LRRC43: variants seen among roughly 807,000 people sequenced by gnomAD.
LRRC43 encodes the protein leucine-rich repeat-containing protein 43.
LRRC43 carries 62 observed loss-of-function variants against 64.3 expected under a neutral mutation model. The ratio of observed to expected loss-of-function variants is 0.96; its 90% CI spans 0.79 to 1.19. The LOEUF is 1.19. Among genes scored for constraint, LRRC43 ranks in the 50% most tolerant of loss-of-function variants. The probability of loss-of-function intolerance (pLI) is 0.00; values close to 1 mark genes in which losing one functional copy is unlikely to be tolerated. For missense variants in LRRC43, 868 were observed against 845.0 expected, an observed-to-expected ratio of 1.03 and a Z score of -0.34; for synonymous variants, 422 against 382.3, an observed-to-expected ratio of 1.10 and a Z score of -1.21.
At chr12:122,202,616 T>C (rs1234453826) in intron 11 of LRRC43, among the ~76,000 whole-genome samples, 1 of 152,198 alleles carries the variant, frequency 6.6e-6, no homozygotes, top group Non-Finnish European at 1.5e-5. Context: ...ACTATACATT[T>C]TCCAAAGATC....
chr12:122,191,585 C>T lies in LRRC43; in HGVS notation c.1089+18C>T. On this transcript the variant is annotated intron_variant, in intron 6 of 11. Coordinates refer to ENST00000339777, the MANE Select transcript of LRRC43 (RefSeq NM_001098519.2). ...TGGCCGAGGTGTGCCCTGGTCTGTC[C>T]CTAGGAGTATGGGGGGCTCTTGTGA... 6.2e-7 allele frequency: 1 copy of T among 1,605,968 alleles called. No individual in the cohort carries two copies. The highest frequency in any genetic ancestry group is 8.5e-7 in the Non-Finnish European group (1 of 1,175,296).
intron 11 of LRRC43, among the ~76,000 whole-genome samples, 197 bp from the exon 12 acceptor site, chr12:122,203,118 T>A (rs531224835): frequency 2.0e-5 from 3 of 152,280 alleles, no homozygotes; most frequent in African/African-American, 7.2e-5. Context: ...GTCTTGCAAC[T>A]CAAACAGCTG....
intron 1 of LRRC43, among the ~76,000 whole-genome samples, chr12:122,177,908 G>A (rs1159143754): frequency 6.6e-6 from 1 of 151,560 alleles, no homozygotes; most frequent in Non-Finnish European, 1.5e-5. Context: ...CATGATCTTG[G>A]CTCACTGCAA....
chr12:122,194,636 C>A (rs1953756976), intron 7 of LRRC43, among the ~76,000 whole-genome samples: 1 of 151,016 alleles, frequency 6.6e-6, no homozygotes, highest in Admixed American at 6.6e-5. Context: ...CTCCCTCTTT[C>A]TTCCTTTCTC....
Position 122,192,788 on chromosome 12 carries a change from C to T in LRRC43, c.1133C>T (p.Ser378Phe). Reference protein sequence around the residue: ...SPSLELLVEESPEEVVEDVIE... With the variant: ...SPSLELLVEEFPEEVVEDVIE... ...AGCTTAGAATTATTAGTTGAGGAAT[C>T]TCCTGAAGAGGTCGTGGAAGACGTC... Residue 378 changes from serine (S) to phenylalanine (F), a missense_variant, in exon 7 of 12, where the codon TCT becomes TTT. Transcript: ENST00000339777. 6.2e-7 allele frequency: 1 copy of T among 1,614,172 alleles called. No individual in the cohort carries two copies. The highest frequency in any genetic ancestry group is 8.5e-7 in the Non-Finnish European group (1 of 1,180,016).
At chr12:122,173,409 C>T (rs1448788306) in intron 1 of LRRC43, among the ~76,000 whole-genome samples, 1 of 152,226 alleles carries the variant, frequency 6.6e-6, no homozygotes, top group Non-Finnish European at 1.5e-5. Flanking sequence ...CTTGGCTGGG[C>T]ACAGTGGCTC....
intron 7 of LRRC43, among the ~76,000 whole-genome samples, chr12:122,198,222 A>G (rs2136058503): frequency 6.6e-6 from 1 of 152,282 alleles, no homozygotes; most frequent in African/African-American, 2.4e-5. Flanking sequence ...CCTGACCTTA[A>G]GTGATTCATC....
In LRRC43 at chr12:122,192,912, G is replaced by T; in HGVS notation, c.1257G>T (p.Gly419=). The T allele has an allele frequency of 6.2e-7, 1 of 1,614,164 alleles. No homozygotes were observed. The highest frequency in any genetic ancestry group is 8.5e-7 in the Non-Finnish European group (1 of 1,180,022). The part of the protein sequence containing the change: ...SGESELSVIS[G]PSTILQMPRA... ...AGTCGGAGCTGTCTGTCATCTCGGG[G>T]CCTTCGACCATCTTGCAGATGCCGA... Residue 419 remains glycine (G), a synonymous_variant, in exon 7 of 12, where the codon GGG becomes GGT. Coordinates refer to ENST00000339777, the MANE Select transcript of LRRC43 (RefSeq NM_001098519.2).
At position 122,190,245 on chromosome 12, in the gene LRRC43, C is replaced by A. The variant is rs760533188; in HGVS notation, c.778C>A (p.Leu260Met). 1 of 1,614,220 alleles carries A rather than the reference C, an allele frequency of 6.2e-7. No homozygotes were observed. The highest frequency in any genetic ancestry group is 8.5e-7 in the Non-Finnish European group (1 of 1,180,044). ...ACTCCTGGTGCTGCAGGGAAACCCA[C>A]TGGCCTTGGTGCCCTACTACCGCGG... The part of the protein sequence containing the change: ...LRLLVLQGNP[L>M]ALVPYYRGLT... Residue 260 changes from leucine (L) to methionine (M), a missense_variant, in exon 5 of 12, where the codon CTG becomes ATG. By Grantham distance (15) the Leu-to-Met change is conservative. Transcript: ENST00000339777.
chr12:122,203,313 A>T lies in LRRC43; in HGVS notation c.1844-2A>T. ...CTCATGCTCGCACTTAAATTTTCTC[A>T]GAAAAGCCGAAAGCCGTGATTCCGA... On this transcript the variant is annotated splice_acceptor_variant, in intron 11 of 11. Coordinates refer to ENST00000339777, the MANE Select transcript of LRRC43 (RefSeq NM_001098519.2). LOFTEE classifies it high-confidence loss of function. The T allele has an allele frequency of 6.2e-7, 1 of 1,611,346 alleles. No homozygotes were observed. Among genetic ancestry groups the T allele is most frequent in the Non-Finnish European group, 8.5e-7 (1 of 1,179,760 alleles).
intron 1 of LRRC43, chr12:122,174,038 C>T: frequency 6.2e-7 from 1 of 1,613,208 alleles, no homozygotes; most frequent in South Asian, 1.1e-5. Context: ...CACACCCCTG[C>T]CCACCCTGGC....
chr12:122,186,791 C>T (rs144249871), intron 3 of LRRC43, among the ~76,000 whole-genome samples: 11 of 152,194 alleles, frequency 7.2e-5, no homozygotes, highest in South Asian at 2.1e-4. Context: ...TGGTGGCATG[C>T]GCCTGTAGTC....
At chr12:122,201,732 GAACA>G (rs1378239582) in intron 11 of LRRC43, among the ~76,000 whole-genome samples, 1 of 152,190 alleles carries the variant, frequency 6.6e-6, no homozygotes, top group Non-Finnish European at 1.5e-5. Flanking sequence ...GGTTCAGAAA[GAACA>G]ACCAACTGGG....
intron 11 of LRRC43, among the ~76,000 whole-genome samples, chr12:122,202,898 G>C (rs149647570): frequency 0.01 from 1,539 of 152,090 alleles, 22 homozygotes; most frequent in African/African-American, 0.035. Flanking sequence ...TCGAGACCAG[G>C]CTGGCCAACA....
upstream of LRRC43, among the ~76,000 whole-genome samples, chr12:122,182,185 T>C (rs969292481): frequency 4.0e-5 from 6 of 151,212 alleles, no homozygotes; most frequent in African/African-American, 1.5e-4. Flanking sequence ...CCCAGGAGTT[T>C]GAGACCAACC....
At chr12:122,172,163 G>A (rs1953490912) in intron 1 of LRRC43, 2 of 417,616 alleles carry the variant, frequency 4.8e-6, no homozygotes, top group Non-Finnish European at 8.6e-6. Flanking sequence ...GGTATAATAA[G>A]TAAGACTTAA....
At chr12:122,201,590 C>T (rs1953839481) in intron 11 of LRRC43, among the ~76,000 whole-genome samples, 4 of 152,210 alleles carry the variant, frequency 2.6e-5, no homozygotes, top group Admixed American at 2.0e-4. Flanking sequence ...CTGGGGCTGC[C>T]TGGGGCTCAT....
chr12:122,189,363 C>T (rs771910822), intron 4 of LRRC43: 2 of 453,640 alleles, frequency 4.4e-6, no homozygotes, highest in Non-Finnish European at 8.9e-6. Context: ...AGGGAAGCCC[C>T]CTCTCTGACC....
intron 7 of LRRC43, among the ~76,000 whole-genome samples, chr12:122,199,573 T>C (rs1354258495): frequency 6.6e-6 from 1 of 151,638 alleles, no homozygotes; most frequent in Non-Finnish European, 1.5e-5. Flanking sequence ...TGAGTCACCC[T>C]GCCCGGCCTC....
Sources: gnomAD v4.1 joint callset for allele counts (sites outside exome capture counted in the v4.1 genomes callset) on GRCh38, gnomAD v4.1.1 for gene constraint, MANE v1.5 for transcripts, NCBI Gene and HGNC (gene_info 2026-07-23, HGNC 2026-07-21) for gene names.